SLC11A1: variants seen among roughly 807,000 people sequenced by gnomAD.
SLC11A1 encodes the protein natural resistance-associated macrophage protein 1.
SLC11A1 carries 59 observed loss-of-function variants against 63.2 expected under a neutral mutation model. The observed-to-expected ratio is 0.93, with a 90% CI of 0.76 to 1.16. SLC11A1 has a LOEUF of 1.16. Among genes scored for constraint, SLC11A1 ranks in the 50% most tolerant of loss-of-function variants. The probability of loss-of-function intolerance (pLI) is 0.00; values close to 1 mark genes in which losing one functional copy is unlikely to be tolerated. For synonymous variants in SLC11A1, 305 were observed against 307.8 expected (o/e 0.99, Z 0.09); for missense variants, 688 against 730.7 (o/e 0.94, Z 0.67).
rs766247539 is a variant in SLC11A1, at chr2:218,384,411, G to A, written c.273+46G>A. ...GTGGGGACACTTTCGAGAGGGAGGTGACCAGGCTAAGTGTTGAAGGCCCCT... is the reference window on the plus strand; with the variant it reads ...GTGGGGACACTTTCGAGAGGGAGGTAACCAGGCTAAGTGTTGAAGGCCCCT... On this transcript the variant is annotated intron_variant, in intron 3 of 14. Transcript: ENST00000233202. This position sits in a 1 kb window ranked among gnomAD's most constrained non-coding sequence, Gnocchi z 4.0. The A allele has an allele frequency of 6.4e-7, 1 of 1,571,288 alleles. No homozygotes were observed. Among genetic ancestry groups the A allele is most frequent in the South Asian group, 1.1e-5 (1 of 87,842 alleles).
At position 218,391,475 on chromosome 2, in the gene SLC11A1, G is replaced by T. The variant is rs780198644; in HGVS notation, c.1144G>T (p.Ala382Ser). Residue 382 changes from alanine (A) to serine (S), a missense_variant, in exon 11 of 15, where the codon GCG (alanine) becomes TCG (serine). Physicochemically the swap from Ala to Ser is moderately conservative, Grantham distance 99. Transcript: ENST00000233202. Reference sequence around the variant, plus strand: ...GAGCTCCACCATGACGGGCACCTACGCGGGACAGTTCGTGATGGAGGTAGG... The same window carrying T: ...GAGCTCCACCATGACGGGCACCTACTCGGGACAGTTCGTGATGGAGGTAGG... ...GQSSTMTGTY[A>S]GQFVMEGFLR... 6.2e-7 allele frequency: 1 copy of T among 1,605,032 alleles called. No homozygotes were observed. Among genetic ancestry groups the T allele is most frequent in the Admixed American group, 1.7e-5 (1 of 58,710 alleles).
chr2:218,387,097 G>GGCTC, intron 5 of SLC11A1, 63 bp from the exon 6 acceptor site: 1 of 1,469,262 alleles, frequency 6.8e-7, no homozygotes, highest in Non-Finnish European at 9.5e-7. Flanking sequence ...CCAGCCCTGA[G>GGCTC]GCTCCGTAGG....
intron 6 of SLC11A1, 126 bp from the exon 7 acceptor site, chr2:218,387,435 CTGAG>C (rs1696163247): frequency 9.8e-7 from 1 of 1,023,292 alleles, no homozygotes; most frequent in African/African-American, 1.6e-5. Context: ...GTTGTGAAGA[CTGAG>C]TGAGGTAACA....
intron 9 of SLC11A1, 131 bp from the exon 10 acceptor site, chr2:218,391,067 A>G: frequency 2.8e-6 from 2 of 726,384 alleles, no homozygotes; most frequent in Admixed American, 2.5e-5. Context: ...TTTGTTAGCC[A>G]AACAAAATAT....
chr2:218,383,312 T>C (rs7591242), intron 2 of SLC11A1: 32,882 of 566,354 alleles, frequency 0.058, 1,032 homozygotes, highest in African/African-American at 0.079. Flanking sequence ...AGCGATTAAA[T>C]GACTTTCTCA....
At position 218,386,692 on chromosome 2, in the gene SLC11A1, C is replaced by A; in HGVS notation, c.451C>A (p.Gln151Lys). The A allele has an allele frequency of 2.5e-6, 4 of 1,614,176 alleles. No homozygotes were observed. The highest frequency in any genetic ancestry group is 3.4e-6 in the Non-Finnish European group (4 of 1,180,016). Residue 151 changes from glutamine to lysine, a missense_variant, in exon 5 of 15, where the codon CAG becomes AAG. Physicochemically the swap from Gln to Lys is moderately conservative, Grantham distance 53 (BLOSUM62 1). Coordinates refer to ENST00000233202, the MANE Select transcript of SLC11A1 (RefSeq NM_000578.4). ...IELAIVGSDM[Q>K]EVIGTAIAFN... ...GCTAGCCATTGTGGGCTCCGACATGCAGGAAGTCATCGGCACGGCCATTGC... is the reference window on the plus strand; with the variant it reads ...GCTAGCCATTGTGGGCTCCGACATGAAGGAAGTCATCGGCACGGCCATTGC...
Position 218,392,966 on chromosome 2 carries a change from T to TCACC in SLC11A1, c.1165-13_1165-10dup. The TCACC allele has an allele frequency of 6.3e-7, 1 of 1,580,084 alleles. No homozygotes were observed. The highest frequency in any genetic ancestry group is 8.6e-7 in the Non-Finnish European group (1 of 1,167,302). ...TCCTGTCTACTCCTCACCAAGGAGT[T>TCACC]CACCCCCACCCCAGGGCTTCCTGAG... is the stretch of plus-strand genomic sequence containing the variant. On this transcript the variant is annotated splice_polypyrimidine_tract_variant and intron_variant, in intron 11 of 14. Transcript: ENST00000233202.
At chr2:218,394,487 G>T in intron 13 of SLC11A1, 145 bp from the exon 14 acceptor site, 1 of 901,236 alleles carries the variant, frequency 1.1e-6, no homozygotes, top group South Asian at 1.6e-5. Flanking sequence ...GTGGGGAGGG[G>T]GTCTGTCTGC....
chr2:218,387,522 T>A (rs1362911155), intron 6 of SLC11A1, 43 bp from the exon 7 acceptor site: 3 of 1,605,378 alleles, frequency 1.9e-6, no homozygotes, highest in Non-Finnish European at 2.6e-6. Flanking sequence ...ATGTCACAGA[T>A]TTTTTTCGTT....
Position 218,384,158 on chromosome 2 carries a change from G to A in SLC11A1, c.151-85G>A. ...AGGGCTGGGCTGATGAGCCTGTTGG[G>A]GCTCCTCTAGGGGATGGCCAAGGCC... On this transcript the variant is annotated intron_variant, in intron 2 of 14. Coordinates refer to ENST00000233202, the MANE Select transcript of SLC11A1 (RefSeq NM_000578.4). This position sits in a 1 kb window ranked among gnomAD's most constrained non-coding sequence, Gnocchi z 4.0. 7.1e-7 allele frequency: 1 copy of A among 1,408,060 alleles called. No homozygotes were observed. The highest frequency in any genetic ancestry group is 9.5e-7 in the Non-Finnish European group (1 of 1,055,114). 87.2% of individuals were successfully genotyped at this position (1,408,060 alleles called of 1,614,324 possible).
At chr2:218,394,544 C>G in intron 13 of SLC11A1, 88 bp from the exon 14 acceptor site, 4 of 1,452,032 alleles carry the variant, frequency 2.8e-6, no homozygotes, top group Admixed American at 3.5e-5. Flanking sequence ...ATCCCCACCC[C>G]CAGTGTGGGC....
intron 12 of SLC11A1, 34 bp downstream of exon 12, chr2:218,393,164 T>A: frequency 1.3e-6 from 2 of 1,504,836 alleles, no homozygotes; most frequent in Non-Finnish European, 1.8e-6. Context: ...CCCTGCCCAC[T>A]GCTGAGCGAA....
Position 218,391,263 on chromosome 2 carries a change from C to T in SLC11A1, c.1020C>T (p.Thr340=). The T allele has an allele frequency of 1.6e-6, 2 of 1,274,932 alleles. No individual in the cohort carries two copies. The highest frequency in any genetic ancestry group is 2.1e-6 in the Non-Finnish European group (2 of 946,300). 79.0% of individuals were successfully genotyped at this position (1,274,932 alleles called of 1,614,324 possible). ...YAKIFPMNNA[T]VAVDIYQGGV... is the part of the protein sequence containing the mutation. ...AGATCTTCCCCATGAACAACGCCAC[C>T]GTGGCCGTGGACATTTACCAGGGGG... The change falls in exon 10 of 15, where the codon ACC becomes ACT. Residue 340 remains threonine, a synonymous_variant. Coordinates refer to ENST00000233202, the MANE Select transcript of SLC11A1 (RefSeq NM_000578.4).
Position 218,395,260 on chromosome 2 carries a change from T to TA in SLC11A1, c.*227dup, listed in dbSNP as rs1696696740. 4 of 561,040 alleles carry TA rather than the reference T, an allele frequency of 7.1e-6. No homozygotes were observed. The East Asian group carries it at 1.2e-4, about 16-fold the overall frequency. 34.8% of individuals were successfully genotyped at this position (561,040 alleles called of 1,614,324 possible). A position where few individuals can be genotyped will look rare whatever the true frequency, so the allele number is the denominator to read the frequency against. On this transcript the variant is annotated 3_prime_UTR_variant, in exon 15 of 15. Coordinates refer to ENST00000233202, the MANE Select transcript of SLC11A1 (RefSeq NM_000578.4). ...ACACCACCACCCTTGCCATGGAGGT[T>TA]AAGCACTTTAACACAGTGTCTGGCA...
rs772970374 is a variant in SLC11A1, at chr2:218,382,359, C to T, written c.-10C>T. ...CTCACACTCCCAGAGTACCTGAAGT[C>T]GGCATTTCAATGACAGGTGAGTAGT... On this transcript the variant is annotated 5_prime_UTR_variant, in exon 1 of 15. Transcript: ENST00000233202. 22 of 1,613,076 alleles carry T rather than the reference C, an allele frequency of 1.4e-5. No homozygotes were observed. Among genetic ancestry groups the T allele is most frequent in the Middle Eastern group, 1.6e-4 (1 of 6,078 alleles).
At position 218,384,012 on chromosome 2, in the gene SLC11A1, G is replaced by A. The variant is rs534296154; in HGVS notation, c.151-231G>A. 13 of 324,206 alleles carry A rather than the reference G, an allele frequency of 4.0e-5. No homozygotes were observed. Among genetic ancestry groups the A allele is most frequent in the East Asian group, 2.4e-4 (5 of 20,512 alleles). The allele number at this position is 324,206 out of a possible 1,614,324, so 20.1% of individuals were successfully genotyped here. A position where few individuals can be genotyped will look rare whatever the true frequency, so the allele number is the denominator to read the frequency against. On this transcript the variant is annotated intron_variant, in intron 2 of 14. Transcript: ENST00000233202. The surrounding 1 kb of genome is among the most constrained non-coding windows in gnomAD (Gnocchi z 4.0). ...GGGGCAGGCAGTTCAGGTGCAAGCC[G>A]GCTGCTGAGCTTAACAGATCCAGAA... is the stretch of plus-strand genomic sequence containing the variant.
intron 5 of SLC11A1, 59 bp downstream of exon 5, chr2:218,386,800 C>G: frequency 8.1e-7 from 1 of 1,230,772 alleles, no homozygotes; most frequent in Non-Finnish European, 1.2e-6. Flanking sequence ...GCTGCTACTT[C>G]CCCCCCTAAC....
chr2:218,387,167 C>T lies in SLC11A1; in HGVS notation c.508C>T (p.Leu170Phe). 6.2e-7 allele frequency: 1 copy of T among 1,614,226 alleles called. No individual in the cohort carries two copies. The highest frequency in any genetic ancestry group is 8.5e-7 in the Non-Finnish European group (1 of 1,180,024). Reference sequence around the variant, plus strand: ...GGGCCACTCTGGTTTCAGAATCCCACTCTGGGGTGGCGTCCTCATCACCAT... The same window carrying T: ...GGGCCACTCTGGTTTCAGAATCCCATTCTGGGGTGGCGTCCTCATCACCAT... ...FNLLSAGRIP[L>F]WGGVLITIVD... The change falls in exon 6 of 15, where the codon CTC (leucine) becomes TTC (phenylalanine). Residue 170 changes from leucine (L) to phenylalanine (F), a missense_variant. Physicochemically the swap from Leu to Phe is conservative, Grantham distance 22. Coordinates refer to ENST00000233202, the MANE Select transcript of SLC11A1 (RefSeq NM_000578.4).
In SLC11A1 at chr2:218,384,259, G is replaced by C. The variant is rs761128525; in HGVS notation, c.167G>C (p.Arg56Pro). Residue 56 changes from arginine (R) to proline (P), a missense_variant, in exon 3 of 15, where the codon CGG (arginine) becomes CCG (proline). Arg to Pro is a moderately radical substitution (Grantham distance 103, BLOSUM62 -2). Coordinates refer to ENST00000233202, the MANE Select transcript of SLC11A1 (RefSeq NM_000578.4). This position sits in a 1 kb window ranked among gnomAD's most constrained non-coding sequence, Gnocchi z 4.0. ...PDTKPGTFSL[R>P]KLWAFTGPGF... is the part of the protein sequence containing the mutation. ...CCCCAACAGGGCACCTTCAGCCTGCGGAAGCTATGGGCCTTCACGGGGCCT... is the reference window on the plus strand; with the variant it reads ...CCCCAACAGGGCACCTTCAGCCTGCCGAAGCTATGGGCCTTCACGGGGCCT... 6.9e-6 allele frequency: 11 copies of C among 1,600,296 alleles called. No homozygotes were observed. Among genetic ancestry groups the C allele is most frequent in the Non-Finnish European group, 9.4e-6 (11 of 1,170,184 alleles).
Sources: gnomAD v4.1 joint callset for allele counts on GRCh38, gnomAD v4.1.1 for gene constraint, Gnocchi (gnomAD v3.1) non-coding constraint, MANE v1.5 for transcripts, NCBI Gene and HGNC (gene_info 2026-07-23, HGNC 2026-07-21) for gene names.